The following CCDC92 variants were observed in gnomAD, a reference collection of about 807,000 sequenced individuals.
CCDC92 encodes the protein coiled-coil domain-containing protein 92.
Under a neutral mutation model 24.9 loss-of-function variants are expected in CCDC92, and 12 were observed. The ratio of observed to expected loss-of-function variants is 0.48; its 90% CI spans 0.31 to 0.78. The LOEUF (loss-of-function observed/expected upper bound fraction) is 0.78, where lower values mean the gene tolerates loss of function less well. CCDC92 is among the 30% of genes least tolerant of loss of function. CCDC92 has a pLI of 0.05. For missense variants in CCDC92, 399 were observed against 439.4 expected (o/e 0.91, Z 0.82); for synonymous variants, 193 against 196.3 (o/e 0.98, Z 0.14).
chr12:123,935,990 G>A lies in CCDC92; in HGVS notation c.*1068C>T, dbSNP rs976261197. The A allele has an allele frequency of 2.0e-5, 3 of 153,490 alleles. No individual in the cohort carries two copies. Among genetic ancestry groups the A allele is most frequent in the Non-Finnish European group, 1.4e-5 (1 of 69,000 alleles). The allele number at this position is 153,490 out of a possible 1,614,324, so 9.5% of individuals were successfully genotyped here. On this transcript the variant is annotated 3_prime_UTR_variant, in exon 5 of 5. Coordinates refer to ENST00000238156, the MANE Select transcript of CCDC92 (RefSeq NM_025140.3). ...TTCTTTGGCTCTGACCTGCTACGGC[G>A]ACTGTGAAGTTGTTGAGCTTAGTGT...
chr12:123,969,213 A>G (rs1370518453), intron 1 of CCDC92, among the ~76,000 whole-genome samples: 5 of 152,204 alleles, frequency 3.3e-5, no homozygotes, highest in Non-Finnish European at 7.3e-5. Context: ...TTCTTCAAAC[A>G]CAAAGCTCCA....
chr12:123,957,692 T>A (rs1282064247), intron 1 of CCDC92, among the ~76,000 whole-genome samples: 2 of 143,984 alleles, frequency 1.4e-5, no homozygotes, highest in Middle Eastern at 3.2e-3. Context: ...ATTCTTTTTT[T>A]TTCCTTCTTT....
rs1052554720 is a variant in CCDC92, at chr12:123,946,406, C to T, written c.-59-2042G>A. 3 of 152,538 alleles carry T rather than the reference C, an allele frequency of 2.0e-5. No homozygotes were observed. In the East Asian group the frequency reaches 5.8e-4, roughly 29 times the overall value. 9.4% of individuals were successfully genotyped at this position (152,538 alleles called of 1,614,324 possible). On this transcript the variant is annotated intron_variant, in intron 1 of 4. Coordinates refer to ENST00000238156, the MANE Select transcript of CCDC92 (RefSeq NM_025140.3). ...TGCCCAGAACACTCTTCTTAGGCCT[C>T]TCTCCCACCCACCTCTCCTGGGTCT...
At chr12:123,948,724 G>A (rs2138008456) in intron 1 of CCDC92, among the ~76,000 whole-genome samples, 1 of 152,326 alleles carries the variant, frequency 6.6e-6, no homozygotes, top group Middle Eastern at 3.4e-3. Context: ...CCTGAATAAG[G>A]CAGGTCCACT....
chr12:123,943,565 G>A, intron 2 of CCDC92, 72 bp from the exon 3 acceptor site: 1 of 1,540,090 alleles, frequency 6.5e-7, no homozygotes, highest in Non-Finnish European at 8.9e-7. Context: ...CTTGGCTCTG[G>A]GTGCAGAGGG....
intron 1 of CCDC92, chr12:123,966,513 G>C (rs1956396510): frequency 6.6e-6 from 1 of 152,134 alleles, no homozygotes; most frequent in Non-Finnish European, 1.5e-5. Flanking sequence ...TCATTCCCAG[G>C]TTCACTCTGC....
In CCDC92 at chr12:123,943,508, G is replaced by A; in HGVS notation, c.35-15C>T. 6 of 1,613,818 alleles carry A rather than the reference G, an allele frequency of 3.7e-6. No individual in the cohort carries two copies. Among genetic ancestry groups the A allele is most frequent in the Non-Finnish European group, 5.1e-6 (6 of 1,179,902 alleles). On this transcript the variant is annotated splice_polypyrimidine_tract_variant and intron_variant, in intron 2 of 4. Coordinates refer to ENST00000238156, the MANE Select transcript of CCDC92 (RefSeq NM_025140.3). Reference sequence around the variant, plus strand: ...ATCCAGAGGACCTGTGGGTAACACAGACCCTGGCTGCGGTGCCTGAAGAGG... The same window carrying A: ...ATCCAGAGGACCTGTGGGTAACACAAACCCTGGCTGCGGTGCCTGAAGAGG...
At chr12:123,966,266 C>T (rs919651817) in intron 1 of CCDC92, 9 of 152,088 alleles carry the variant, frequency 5.9e-5, no homozygotes, top group Non-Finnish European at 4.4e-5. Context: ...AATAACCTAG[C>T]CAGGAATTTT....
intron 1 of CCDC92, among the ~76,000 whole-genome samples, chr12:123,970,768 T>C (rs1956507870): frequency 1.3e-5 from 2 of 152,204 alleles, no homozygotes; most frequent in Admixed American, 6.5e-5. Context: ...TTGTTCCAGA[T>C]AGAAGGAAAA....
intron 1 of CCDC92, among the ~76,000 whole-genome samples, chr12:123,950,954 C>A (rs186166579): frequency 1.3e-5 from 2 of 152,286 alleles, no homozygotes; most frequent in Non-Finnish European, 2.9e-5. Context: ...CCCTCCCCAG[C>A]GGCATCCCCC....
At chr12:123,950,685 C>G (rs941619332) in intron 1 of CCDC92, among the ~76,000 whole-genome samples, 13 of 152,158 alleles carry the variant, frequency 8.5e-5, no homozygotes, top group Admixed American at 7.2e-4. Flanking sequence ...CTCTGGGGGC[C>G]AAGTTAGCAA....
intron 1 of CCDC92, among the ~76,000 whole-genome samples, chr12:123,969,804 T>C (rs1322578527): frequency 3.3e-5 from 5 of 152,084 alleles, no homozygotes; most frequent in African/African-American, 1.2e-4. Context: ...ACCTTCATAA[T>C]TTGCTGGCTC....
intron 1 of CCDC92, among the ~76,000 whole-genome samples, chr12:123,958,086 T>C (rs945762250): frequency 1.1e-4 from 16 of 150,180 alleles, no homozygotes; most frequent in African/African-American, 3.7e-4. Context: ...AGAGTTTCAC[T>C]CTTGTTGCCC....
At chr12:123,947,256 C>G (rs1324422678) in intron 1 of CCDC92, among the ~76,000 whole-genome samples, 1 of 152,186 alleles carries the variant, frequency 6.6e-6, no homozygotes, top group African/African-American at 2.4e-5. Context: ...ACTCCATGGG[C>G]TCCTGTGCTG....
chr12:123,936,937 G>T lies in CCDC92; in HGVS notation c.*121C>A. On this transcript the variant is annotated 3_prime_UTR_variant, in exon 5 of 5. Transcript: ENST00000238156. The stretch of plus-strand genomic sequence containing the variant: ...GAAGAGGGCAAGAGAAGCAGAAGGA[G>T]AATGGGTCGGTAGGTGTGAAAAGTG... The T allele has an allele frequency of 1.9e-6, 2 of 1,076,456 alleles. No homozygotes were observed. The highest frequency in any genetic ancestry group is 2.7e-6 in the Non-Finnish European group (2 of 741,340). The allele number at this position is 1,076,456 out of a possible 1,614,324, so 66.7% of individuals were successfully genotyped here. A position where few individuals can be genotyped will look rare whatever the true frequency, so the allele number is the denominator to read the frequency against.
intron 1 of CCDC92, chr12:123,962,947 G>GAGAAA (rs1956308061): frequency 1.3e-5 from 2 of 152,226 alleles, no homozygotes; most frequent in South Asian, 4.1e-4. Context: ...AAAGAACACG[G>GAGAAA]GGTTCTCATT....
At chr12:123,971,183 G>A (rs1319630876) in intron 1 of CCDC92, among the ~76,000 whole-genome samples, 1 of 152,160 alleles carries the variant, frequency 6.6e-6, no homozygotes. Context: ...AATACGCAGA[G>A]GAGTAACAAA....
intron 1 of CCDC92, among the ~76,000 whole-genome samples, chr12:123,965,579 C>T (rs537773102): frequency 1.3e-5 from 2 of 152,198 alleles, no homozygotes; most frequent in East Asian, 2.0e-4. Flanking sequence ...GTGAATAACA[C>T]GGTCAAGGTT....
chr12:123,970,143 T>C (rs1360169529), intron 1 of CCDC92: 3 of 152,202 alleles, frequency 2.0e-5, no homozygotes, highest in African/African-American at 4.8e-5. Flanking sequence ...TCCACAACTC[T>C]AGAAGCCAGC....
Sources: gnomAD v4.1 joint callset for allele counts (sites outside exome capture counted in the v4.1 genomes callset) on GRCh38, gnomAD v4.1.1 for gene constraint, MANE v1.5 for transcripts, NCBI Gene and HGNC (gene_info 2026-07-23, HGNC 2026-07-21) for gene names.